MXD1: variants seen among roughly 807,000 people sequenced by gnomAD.
The protein encoded by MXD1 is MAX dimerization protein 1, also known as MAX-binding protein.
Under a neutral mutation model 25.7 loss-of-function variants are expected in MXD1, and 9 were observed. The observed-to-expected ratio is 0.35, with a 90% CI of 0.21 to 0.61. MXD1 has a LOEUF of 0.61. Among genes scored for constraint, MXD1 ranks in the 20% least tolerant of loss-of-function variants. The pLI is 0.75. For synonymous variants in MXD1, 99 were observed against 113.9 expected (o/e 0.87, Z 0.83); for missense variants, 227 against 292.4 (o/e 0.78, Z 1.63).
intron 3 of MXD1, among the ~76,000 whole-genome samples, chr2:69,934,805 G>A (rs1052865757): frequency 1.3e-5 from 2 of 152,180 alleles, no homozygotes; most frequent in Non-Finnish European, 2.9e-5. Context: ...ACTACACGGT[G>A]TGGATGTAGC....
rs145855741 is a variant in MXD1 at position 69,935,993 on chromosome 2, C to T, written c.318+528C>T. Among the ~76,000 whole-genome samples the T allele has an allele frequency of 1.7e-3, 260 of 152,238 alleles. 1 individual carries two copies. Among genetic ancestry groups the T allele is most frequent in the Non-Finnish European group, 3.0e-3 (206 of 68,008 alleles). On this transcript the variant is annotated intron_variant, in intron 4 of 5. Coordinates refer to ENST00000264444, the MANE Select transcript of MXD1 (RefSeq NM_002357.4). ...TGCCTTGCCTGGTCCTCACTTGCCT[C>T]TGCAGCACCATCTTGTTCCCCAATT...
chr2:69,916,972 C>G (rs1048244533), intron 2 of MXD1, among the ~76,000 whole-genome samples: 1 of 152,146 alleles, frequency 6.6e-6, no homozygotes, highest in Non-Finnish European at 1.5e-5. Flanking sequence ...TGTTGCTGCC[C>G]GTTTCCCCCC....
At chr2:69,926,514 C>G (rs1420978418) in intron 3 of MXD1, among the ~76,000 whole-genome samples, 1 of 152,074 alleles carries the variant, frequency 6.6e-6, no homozygotes, top group African/African-American at 2.4e-5. Context: ...TCTTTTCATC[C>G]AGGATTTGGT....
At chr2:69,928,436 T>G (rs1392515140) in intron 3 of MXD1, among the ~76,000 whole-genome samples, 2 of 152,112 alleles carry the variant, frequency 1.3e-5, no homozygotes, top group Non-Finnish European at 2.9e-5. Context: ...TTCTATAACT[T>G]TAGGTGAGAG....
At chr2:69,923,581 CGTGTGTGT>C (rs10652254) in intron 3 of MXD1, among the ~76,000 whole-genome samples, 2 of 150,410 alleles carry the variant, frequency 1.3e-5, no homozygotes, top group South Asian at 2.1e-4. Flanking sequence ...TATGGAATTT[CGTGTGTGT>C]GTGTGTGTGT....
chr2:69,925,215 T>A (rs1393255113), intron 3 of MXD1, among the ~76,000 whole-genome samples: 1 of 151,884 alleles, frequency 6.6e-6, no homozygotes, highest in African/African-American at 2.4e-5. Context: ...CTGGGTCTGA[T>A]CTCCTAAGAA....
Position 69,915,129 on chromosome 2 carries a change from A to C in MXD1, c.-202A>C, listed in dbSNP as rs191254669. On this transcript the variant is annotated 5_prime_UTR_variant, in exon 1 of 6. Coordinates refer to ENST00000264444, the MANE Select transcript of MXD1 (RefSeq NM_002357.4). The surrounding 1 kb of genome is among the most constrained non-coding windows in gnomAD (Gnocchi z 5.8). ...CTGCTGCTCTGCTCCGGGTTCTGTC[A>C]CTGTGTCGGCGGTGCCCAGCTCACT... is the stretch of plus-strand genomic sequence containing the variant. 1,552 of 413,232 alleles carry C rather than the reference A, an allele frequency of 3.8e-3. 13 individuals are homozygous for C. The highest frequency in any genetic ancestry group is 0.029 in the African/African-American group (1,401 of 48,774). The allele number at this position is 413,232 out of a possible 1,614,324, so 25.6% of individuals were successfully genotyped here. A position where few individuals can be genotyped will look rare whatever the true frequency, so the allele number is the denominator to read the frequency against.
chr2:69,936,941 G>A lies in MXD1; in HGVS notation c.319-294G>A, dbSNP rs542317375. On this transcript the variant is annotated intron_variant, in intron 4 of 5. Coordinates refer to ENST00000264444, the MANE Select transcript of MXD1 (RefSeq NM_002357.4). ...GAGATCAGGTTGGGGACTGCTGCCT[G>A]CAGTCTTTCTGATACTAAAACTGAG... The A allele has an allele frequency of 1.4e-4, 77 of 537,082 alleles. 1 individual carries two copies. The highest frequency in any genetic ancestry group is 1.1e-3 in the South Asian group (74 of 65,176). 33.3% of individuals were successfully genotyped at this position (537,082 alleles called of 1,614,324 possible).
intron 4 of MXD1, 75 bp from the exon 5 acceptor site, chr2:69,937,160 A>C: frequency 6.3e-7 from 1 of 1,578,420 alleles, no homozygotes; most frequent in Admixed American, 1.7e-5. Context: ...CCACTGCTAG[A>C]AGGGAAGATG....
rs1677474796 is a variant in MXD1 at position 69,937,352 on chromosome 2, A to G, written c.436A>G (p.Ile146Val). 9.9e-6 allele frequency: 16 copies of G among 1,613,988 alleles called. No individual in the cohort carries two copies. Among genetic ancestry groups the G allele is most frequent in the Non-Finnish European group, 1.4e-5 (16 of 1,179,972 alleles). ...LGIERIRMDS[I>V]GSTVSSERSD... The stretch of plus-strand genomic sequence containing the variant: ...CATTGAGAGGATCCGGATGGACAGC[A>G]TCGGCTCCACCGTCTCCTCGGAGCG... Residue 146 changes from isoleucine (I) to valine (V), a missense_variant, in exon 5 of 6, where the codon ATC becomes GTC. Physicochemically the swap from Ile to Val is conservative, Grantham distance 29 (BLOSUM62 3). Coordinates refer to ENST00000264444, the MANE Select transcript of MXD1 (RefSeq NM_002357.4).
chr2:69,916,698 GGTTT>G (rs1558566831), intron 2 of MXD1, among the ~76,000 whole-genome samples: 1 of 152,110 alleles, frequency 6.6e-6, no homozygotes, highest in Non-Finnish European at 1.5e-5. Context: ...TAAATACAGT[GGTTT>G]GTTTGATACT....
At chr2:69,922,128 T>G (rs1001212249) in intron 3 of MXD1, among the ~76,000 whole-genome samples, 3 of 152,240 alleles carry the variant, frequency 2.0e-5, no homozygotes, top group African/African-American at 7.2e-5. Flanking sequence ...TATACACAGA[T>G]ATATATACAC....
chr2:69,937,834 G>A (rs757089145), intron 5 of MXD1, among the ~76,000 whole-genome samples: 13 of 152,064 alleles, frequency 8.5e-5, no homozygotes, highest in Non-Finnish European at 1.9e-4. Context: ...GGCTGGTCTC[G>A]AACTCCTGAC....
At position 69,927,317 on chromosome 2, in the gene MXD1, C is replaced by G. The variant is rs750234221; in HGVS notation, c.203+5552C>G. Among the ~76,000 whole-genome samples, 8 of 152,256 alleles carry G rather than the reference C, an allele frequency of 5.3e-5. No homozygotes were observed. In the South Asian group the frequency reaches 6.2e-4, roughly 12 times the overall value. On this transcript the variant is annotated intron_variant, in intron 3 of 5. Coordinates refer to ENST00000264444, the MANE Select transcript of MXD1 (RefSeq NM_002357.4). ...CTTATTGTTTCTGAACTTTCTTGAC[C>G]ACATTCAGATTTCACTCTGGGATGT...
chr2:69,929,319 G>A (rs765245126), intron 3 of MXD1, among the ~76,000 whole-genome samples: 19 of 152,206 alleles, frequency 1.2e-4, no homozygotes, highest in Non-Finnish European at 2.4e-4. Context: ...AAGTCAGGAA[G>A]AACTTTAAGG....
chr2:69,935,282 T>G (rs1677397702), intron 3 of MXD1, 69 bp from the exon 4 acceptor site: 1 of 1,103,046 alleles, frequency 9.1e-7, no homozygotes, highest in Non-Finnish European at 1.4e-6. Flanking sequence ...CTTTGAGAAC[T>G]CATTCTGCCT....
In MXD1 at chr2:69,941,293, C is replaced by A. The variant is rs1007098399; in HGVS notation, c.*3009C>A. Reference sequence around the variant, plus strand: ...ACATCCTGAAAACATAGCTTTCCATCCCCTGTTGGCTTTGAATGGTGGGCC... The same window carrying A: ...ACATCCTGAAAACATAGCTTTCCATACCCTGTTGGCTTTGAATGGTGGGCC... On this transcript the variant is annotated 3_prime_UTR_variant, in exon 6 of 6. Transcript: ENST00000264444. The A allele has an allele frequency of 6.6e-6, 1 of 152,170 alleles. No individual in the cohort carries two copies. The highest frequency in any genetic ancestry group is 2.4e-5 in the African/African-American group (1 of 41,426). 9.4% of individuals were successfully genotyped at this position (152,170 alleles called of 1,614,324 possible).
intron 3 of MXD1, among the ~76,000 whole-genome samples, chr2:69,931,230 C>G (rs748252396): frequency 2.6e-5 from 4 of 152,102 alleles, no homozygotes; most frequent in Admixed American, 6.6e-5. Context: ...ATTATTTTGA[C>G]TATAGTTACC....
In MXD1 at chr2:69,916,177, T is replaced by A; in HGVS notation, c.130T>A (p.Leu44Ile). Residue 44 changes from leucine to isoleucine, a missense_variant, in exon 2 of 6, where the codon TTA becomes ATA. Transcript: ENST00000264444. ...LPYNNKDRDA[L>I]KRRNKSKKNN... ...ATACAATAACAAGGACAGAGATGCC[T>A]TAAAACGGAGGAACAAATCCAAAAA... is the stretch of plus-strand genomic sequence containing the variant. 6.2e-7 allele frequency: 1 copy of A among 1,613,212 alleles called. No homozygotes were observed. The highest frequency in any genetic ancestry group is 1.3e-5 in the African/African-American group (1 of 75,016).
Sources: allele counts gnomAD v4.1 joint callset (sites outside exome capture counted in the v4.1 genomes callset), GRCh38; gene constraint gnomAD v4.1.1; non-coding constraint Gnocchi (gnomAD v3.1); transcripts MANE v1.5; gene names NCBI Gene and HGNC (gene_info 2026-07-23, HGNC 2026-07-21).